The following NUMB variants were observed in gnomAD, a reference collection of about 807,000 sequenced individuals.
NUMB encodes the protein NUMB endocytic adaptor protein, also known as protein numb homolog.
NUMB carries 29 observed loss-of-function variants against 59.7 expected under a neutral mutation model. The ratio of observed to expected loss-of-function variants is 0.49; its 90% CI spans 0.36 to 0.66. The LOEUF is 0.66. Ranked by LOEUF, NUMB falls within the 30% of genes least tolerant of loss-of-function variation. NUMB has a pLI of 0.00. For missense variants in NUMB, 723 were observed against 822.0 expected (o/e 0.88, Z 1.47); for synonymous variants, 288 against 288.2 (o/e 1.00, Z 0.01).
chr14:73,319,744 A>C (rs1162299511), intron 5 of NUMB, among the ~76,000 whole-genome samples: 5 of 152,214 alleles, frequency 3.3e-5, no homozygotes, highest in African/African-American at 7.2e-5. Context: ...AAAATCAGGA[A>C]TACATGTGGC....
At chr14:73,305,621 T>A (rs944379316) in intron 6 of NUMB, among the ~76,000 whole-genome samples, 1 of 152,218 alleles carries the variant, frequency 6.6e-6, no homozygotes, top group African/African-American at 2.4e-5. Flanking sequence ...GAAGAAATGC[T>A]ATAAAGACAC....
intron 2 of NUMB, among the ~76,000 whole-genome samples, chr14:73,381,569 C>A (rs927577212): frequency 6.6e-6 from 1 of 152,108 alleles, no homozygotes; most frequent in Admixed American, 6.6e-5. Context: ...ATATTACTTC[C>A]TCAAAGTAGC....
At chr14:73,282,997 GTCA>G (rs1227449614) in intron 10 of NUMB, among the ~76,000 whole-genome samples, 1 of 152,150 alleles carries the variant, frequency 6.6e-6, no homozygotes, top group Non-Finnish European at 1.5e-5. Context: ...CTATGACAAT[GTCA>G]TCAATCTCAT....
At position 73,287,170 on chromosome 14, in the gene NUMB, T is replaced by C. The variant is rs768868051; in HGVS notation, c.595A>G (p.Thr199Ala). The change falls in exon 9 of 13, where the codon ACA becomes GCA. Residue 199 changes from threonine (T) to alanine (A), a missense_variant. Transcript: ENST00000555238. Reference protein sequence around the residue: ...FTREGSFRVTTATEQAEREEI... With the variant: ...FTREGSFRVTAATEQAEREEI... The stretch of plus-strand genomic sequence containing the variant: ...TCTCTTTCTGCTTGTTCAGTGGCTG[T>C]TGTGACACGGAATGATCCTTCTCTT... The C allele has an allele frequency of 1.2e-6, 2 of 1,613,362 alleles. No homozygotes were observed. Among genetic ancestry groups the C allele is most frequent in the Non-Finnish European group, 1.7e-6 (2 of 1,179,936 alleles).
At chr14:73,445,394 A>AAAAAAC (rs1883422894) in intron 1 of NUMB, among the ~76,000 whole-genome samples, 1 of 135,466 alleles carries the variant, frequency 7.4e-6, no homozygotes, top group Non-Finnish European at 1.6e-5. Context: ...AAAAAAAAAA[A>AAAAAAC]AACTTACAGC....
At chr14:73,451,388 GAT>G (rs888603610) in intron 1 of NUMB, among the ~76,000 whole-genome samples, 6 of 148,420 alleles carry the variant, frequency 4.0e-5, no homozygotes, top group African/African-American at 1.5e-4. Flanking sequence ...AGTGAGCCAA[GAT>G]TGAGCCACTG....
chr14:73,419,841 G>A (rs770305493), intron 1 of NUMB, among the ~76,000 whole-genome samples: 35 of 152,218 alleles, frequency 2.3e-4, no homozygotes, highest in Non-Finnish European at 5.1e-4. Flanking sequence ...AGTACTTAAG[G>A]GATGAATCCA....
At chr14:73,412,679 G>C (rs889324921) in intron 1 of NUMB, among the ~76,000 whole-genome samples, 1 of 151,160 alleles carries the variant, frequency 6.6e-6, no homozygotes, top group Non-Finnish European at 1.5e-5. Flanking sequence ...CTGTTGCCTG[G>C]AGAGCCGTGA....
intron 6 of NUMB, among the ~76,000 whole-genome samples, chr14:73,300,264 TAGAC>T (rs1341577378): frequency 6.6e-6 from 1 of 152,092 alleles, no homozygotes; most frequent in Non-Finnish European, 1.5e-5. Flanking sequence ...ATACAAGTTT[TAGAC>T]AGGAGGAGAG....
At chr14:73,424,177 T>C (rs1432538505) in intron 1 of NUMB, among the ~76,000 whole-genome samples, 1 of 151,982 alleles carries the variant, frequency 6.6e-6, no homozygotes, top group Non-Finnish European at 1.5e-5. Context: ...TTTTTAAATA[T>C]TGGCAGTCTT....
intron 2 of NUMB, among the ~76,000 whole-genome samples, chr14:73,406,323 C>CTA (rs1300117507): frequency 2.7e-5 from 4 of 149,320 alleles, no homozygotes; most frequent in Non-Finnish European, 5.9e-5. Context: ...CAATTCCCAC[C>CTA]TATGAGTGAG....
At chr14:73,356,037 G>C (rs747064883) in intron 3 of NUMB, among the ~76,000 whole-genome samples, 1 of 152,028 alleles carries the variant, frequency 6.6e-6, no homozygotes, top group Non-Finnish European at 1.5e-5. Context: ...ATAACTTCTA[G>C]TAGGATTTAA....
chr14:73,333,372 A>G (rs552015132), intron 4 of NUMB, among the ~76,000 whole-genome samples: 2 of 152,106 alleles, frequency 1.3e-5, no homozygotes, highest in East Asian at 3.8e-4. Context: ...GGCTAGCTGT[A>G]TATCTTCTTT....
intron 4 of NUMB, among the ~76,000 whole-genome samples, chr14:73,350,546 C>T (rs1252459610): frequency 6.6e-6 from 1 of 151,228 alleles, no homozygotes; most frequent in Non-Finnish European, 1.5e-5. Context: ...CCTTTACCTA[C>T]TTTTTTTTCT....
intron 1 of NUMB, among the ~76,000 whole-genome samples, chr14:73,447,771 T>TC (rs1430624743): frequency 1.3e-5 from 2 of 151,430 alleles, no homozygotes; most frequent in African/African-American, 4.8e-5. Context: ...CATTTGCAGT[T>TC]CATTTTCTTG....
At chr14:73,341,937 T>A (rs186240404) in intron 4 of NUMB, among the ~76,000 whole-genome samples, 1 of 152,184 alleles carries the variant, frequency 6.6e-6, no homozygotes, top group Admixed American at 6.5e-5. Context: ...CCTTACAACA[T>A]CATGTAACAG....
chr14:73,411,809 C>CACAT (rs1458783301), intron 1 of NUMB, among the ~76,000 whole-genome samples: 2 of 151,750 alleles, frequency 1.3e-5, no homozygotes, highest in East Asian at 3.9e-4. Flanking sequence ...ATTTTGTGCC[C>CACAT]ACATCTGTCA....
intron 4 of NUMB, among the ~76,000 whole-genome samples, chr14:73,341,816 A>G (rs1274121497): frequency 6.6e-6 from 1 of 152,192 alleles, no homozygotes; most frequent in Admixed American, 6.5e-5. Flanking sequence ...GTCATGAGTG[A>G]TAGTTTTATA....
chr14:73,439,313 G>A (rs1882851443), intron 1 of NUMB, among the ~76,000 whole-genome samples: 1 of 152,108 alleles, frequency 6.6e-6, no homozygotes. Context: ...AAAAATGTAT[G>A]CTTTTCCCTT....
Sources: gnomAD v4.1 joint callset for allele counts (sites outside exome capture counted in the v4.1 genomes callset) on GRCh38, gnomAD v4.1.1 for gene constraint, MANE v1.5 for transcripts, NCBI Gene and HGNC (gene_info 2026-07-23, HGNC 2026-07-21) for gene names.